Variants in IL1RAPL2 observed in about 807,000 individuals in gnomAD.
IL1RAPL2 encodes interleukin 1 receptor accessory protein like 2, also known as X-linked interleukin-1 receptor accessory protein-like 2.
In IL1RAPL2, 3 loss-of-function variants were observed where a neutral mutation model predicts 44.1. That is an observed-to-expected ratio of 0.07 (90% confidence interval 0.03 to 0.18). The LOEUF is 0.18. IL1RAPL2 is among the 10% of genes least tolerant of loss of function. The probability of loss-of-function intolerance (pLI) is 1.00; values close to 1 mark genes in which losing one functional copy is unlikely to be tolerated. For missense variants in IL1RAPL2, 391 were observed against 496.4 expected (o/e 0.79, Z 2.02); for synonymous variants, 181 against 178.8 (o/e 1.01, Z -0.10).
intron 1 of IL1RAPL2, among the ~76,000 whole-genome samples, chrX:104,637,824 C>CTG (rs1405158257): frequency 1.0e-3 from 103 of 101,266 alleles, no homozygotes; most frequent in Admixed American, 3.0e-3. Flanking sequence ...GTGTGTGTGT[C>CTG]TGTGTGTCTG....
chrX:104,762,807 G>C (rs896960144), intron 2 of IL1RAPL2, among the ~76,000 whole-genome samples: 1 of 111,458 alleles, frequency 9.0e-6, no homozygotes, highest in Non-Finnish European at 1.9e-5. Context: ...TTTAGTCTTG[G>C]TGGGATGCAG....
At chrX:105,220,749 A>T (rs1262460891) in intron 3 of IL1RAPL2, 2 of 180,553 alleles carry the variant, frequency 1.1e-5, no homozygotes, top group East Asian at 2.1e-4. Context: ...ATTTCCAGAG[A>T]TACCAGGAGT....
At chrX:105,509,088 A>G (rs1207105244) in intron 6 of IL1RAPL2, among the ~76,000 whole-genome samples, 1 of 111,922 alleles carries the variant, frequency 8.9e-6, no homozygotes, top group Non-Finnish European at 1.9e-5. Flanking sequence ...AGCATTTAGA[A>G]AGACTGATAA....
intron 2 of IL1RAPL2, among the ~76,000 whole-genome samples, chrX:104,978,708 G>A (rs1318080896): frequency 1.8e-5 from 2 of 112,263 alleles, no homozygotes; most frequent in Non-Finnish European, 3.8e-5. Context: ...GTATAAGTAT[G>A]TATCTGTAGA....
At chrX:104,868,230 T>C (rs769273535) in intron 2 of IL1RAPL2, among the ~76,000 whole-genome samples, 5 of 112,134 alleles carry the variant, frequency 4.5e-5, no homozygotes, top group Middle Eastern at 4.6e-3. Flanking sequence ...CACAAAAGTA[T>C]ACAATTTAGC....
chrX:105,655,466 C>T (rs1176397918), intron 6 of IL1RAPL2, among the ~76,000 whole-genome samples: 1 of 112,745 alleles, frequency 8.9e-6, no homozygotes, highest in Admixed American at 9.4e-5. Context: ...GCTCTGTAAT[C>T]TGTTGCTCTT....
chrX:104,745,796 G>C (rs41529555), intron 2 of IL1RAPL2, among the ~76,000 whole-genome samples: 5,950 of 111,255 alleles, frequency 0.053, 422 homozygotes, highest in African/African-American at 0.19. Context: ...TGACTCAGCT[G>C]TTTAATAGTG....
chrX:105,340,664 C>T (rs1426347892), intron 5 of IL1RAPL2, among the ~76,000 whole-genome samples: 1 of 111,915 alleles, frequency 8.9e-6, no homozygotes, highest in Non-Finnish European at 1.9e-5. Flanking sequence ...TGTACTCCCT[C>T]GTCTCTAGGT....
At chrX:105,256,780 A>G in intron 4 of IL1RAPL2, among the ~76,000 whole-genome samples, 1 of 111,150 alleles carries the variant, frequency 9.0e-6, no homozygotes, top group East Asian at 2.8e-4. Flanking sequence ...GTAGTTTCTG[A>G]TGGGGGTTTT....
chrX:105,157,756 T>A (rs745963583), intron 2 of IL1RAPL2, among the ~76,000 whole-genome samples: 1 of 112,591 alleles, frequency 8.9e-6, no homozygotes, highest in South Asian at 3.7e-4. Context: ...TTATTTCTTA[T>A]TGAATGACAA....
intron 2 of IL1RAPL2, among the ~76,000 whole-genome samples, chrX:104,944,264 T>C (rs1422849443): frequency 8.9e-6 from 1 of 112,214 alleles, no homozygotes; most frequent in Non-Finnish European, 1.9e-5. Flanking sequence ...TCCGGATTTT[T>C]CTCTTCTTTC....
intron 5 of IL1RAPL2, among the ~76,000 whole-genome samples, chrX:105,299,467 A>T (rs1217380399): frequency 9.0e-6 from 1 of 111,427 alleles, no homozygotes; most frequent in South Asian, 3.8e-4. Flanking sequence ...GATTGGTCAA[A>T]GAGTACAGGG....
At chrX:105,718,080 A>C in intron 7 of IL1RAPL2, among the ~76,000 whole-genome samples, 1 of 112,088 alleles carries the variant, frequency 8.9e-6, no homozygotes, top group Non-Finnish European at 1.9e-5. Flanking sequence ...AATTCTATTT[A>C]GTACTTTCTC....
chrX:104,574,462 C>A (rs1928207937), intron 1 of IL1RAPL2, among the ~76,000 whole-genome samples: 1 of 111,578 alleles, frequency 9.0e-6, no homozygotes, highest in Non-Finnish European at 1.9e-5. Context: ...ATCCAACGTA[C>A]TGTTTAAATT....
intron 2 of IL1RAPL2, among the ~76,000 whole-genome samples, chrX:104,773,553 ATTTCCATAGGCTTCAATGATTAATTT>A (rs950379078): frequency 8.0e-5 from 9 of 111,820 alleles, no homozygotes; most frequent in African/African-American, 2.6e-4. Context: ...AGAGCCTTAC[ATTTCCATAGGCTTCAATGATTAATTT>A]AAGGGTGGGC....
chrX:105,676,006 C>A (rs759431594), intron 6 of IL1RAPL2: 14 of 111,176 alleles, frequency 1.3e-4, no homozygotes, highest in Admixed American at 1.2e-3. Context: ...GTGGTGATAT[C>A]CACTTTTTCA....
intron 3 of IL1RAPL2, chrX:105,219,190 T>G: frequency 8.3e-7 from 1 of 1,209,965 alleles, no homozygotes; most frequent in Non-Finnish European, 1.1e-6. Context: ...GGCCTCCCAG[T>G]CGGAAGGCAG....
chrX:104,901,763 C>T (rs1448415562), intron 2 of IL1RAPL2, among the ~76,000 whole-genome samples: 1 of 111,567 alleles, frequency 9.0e-6, no homozygotes, highest in African/African-American at 3.3e-5. Flanking sequence ...AGTAAATAAA[C>T]CTCTATGCAC....
chrX:105,440,081 A>C (rs757244129), intron 5 of IL1RAPL2, among the ~76,000 whole-genome samples: 1 of 111,949 alleles, frequency 8.9e-6, no homozygotes, highest in Non-Finnish European at 1.9e-5. Flanking sequence ...ACAAAATGAC[A>C]GTATGTGAAG....
Sources: allele counts gnomAD v4.1 joint callset (sites outside exome capture counted in the v4.1 genomes callset), GRCh38; gene constraint gnomAD v4.1.1; transcripts MANE v1.5; gene names NCBI Gene and HGNC (gene_info 2026-07-23, HGNC 2026-07-21).